CHST11: variants seen among roughly 807,000 people sequenced by gnomAD.
The protein encoded by CHST11 is carbohydrate sulfotransferase 11.
A neutral mutation model predicts 30.4 loss-of-function variants in CHST11; 9 were observed. That is an observed-to-expected ratio of 0.30 (90% CI 0.18 to 0.52). The LOEUF (loss-of-function observed/expected upper bound fraction) is 0.52. Among genes scored for constraint, CHST11 ranks in the 20% least tolerant of loss-of-function variants. The probability of loss-of-function intolerance (pLI) is 0.97; values close to 1 mark genes in which losing one functional copy is unlikely to be tolerated. For missense variants in CHST11, 348 were observed against 460.6 expected, an observed-to-expected ratio of 0.76 and a Z score of 2.24; for synonymous variants, 152 against 187.8, an observed-to-expected ratio of 0.81 and a Z score of 1.56.
intron 1 of CHST11, among the ~76,000 whole-genome samples, chr12:104,570,910 C>T (rs988309329): frequency 3.3e-5 from 5 of 152,170 alleles, no homozygotes; most frequent in Non-Finnish European, 7.4e-5. Flanking sequence ...AGGCTGGTCT[C>T]GAACTCCTGA....
At chr12:104,653,534 C>T (rs568048399) in intron 2 of CHST11, among the ~76,000 whole-genome samples, 1 of 152,196 alleles carries the variant, frequency 6.6e-6, no homozygotes, top group African/African-American at 2.4e-5. Flanking sequence ...ATCCGAGTAC[C>T]TGAGAGGAAA....
intron 1 of CHST11, among the ~76,000 whole-genome samples, chr12:104,569,954 A>G (rs888692851): frequency 1.3e-5 from 2 of 152,142 alleles, no homozygotes; most frequent in Non-Finnish European, 2.9e-5. Context: ...GGGCCATCTG[A>G]ACAGCCCCCT....
intron 2 of CHST11, among the ~76,000 whole-genome samples, chr12:104,644,934 C>G (rs1257465623): frequency 1.3e-5 from 2 of 152,130 alleles, no homozygotes; most frequent in East Asian, 1.9e-4. Context: ...CTGCAGCGAG[C>G]CTTCTTCCAC....
intron 1 of CHST11, among the ~76,000 whole-genome samples, chr12:104,589,811 A>G (rs2038840094): frequency 6.6e-6 from 1 of 152,068 alleles, no homozygotes; most frequent in South Asian, 2.1e-4. Flanking sequence ...GGAGTTCAAG[A>G]CCAGCGTGGT....
At chr12:104,572,250 C>A (rs1432393873) in intron 1 of CHST11, among the ~76,000 whole-genome samples, 1 of 151,794 alleles carries the variant, frequency 6.6e-6, no homozygotes, top group East Asian at 1.9e-4. Flanking sequence ...GGGAGGATTC[C>A]CTCTTTTTCT....
intron 2 of CHST11, among the ~76,000 whole-genome samples, chr12:104,646,592 C>T (rs968649643): frequency 2.6e-5 from 4 of 152,160 alleles, no homozygotes; most frequent in African/African-American, 9.7e-5. Flanking sequence ...AATAGCTGGG[C>T]ATGGTGGCAC....
intron 2 of CHST11, among the ~76,000 whole-genome samples, chr12:104,619,531 G>C (rs749058363): frequency 6.6e-6 from 1 of 151,994 alleles, no homozygotes; most frequent in Admixed American, 6.6e-5. Context: ...GTCGTGTTTC[G>C]AGCGCTCTCT....
intron 1 of CHST11, among the ~76,000 whole-genome samples, chr12:104,475,928 G>A (rs1272605636): frequency 1.4e-5 from 2 of 142,582 alleles, no homozygotes; most frequent in Admixed American, 1.5e-4. Flanking sequence ...TTTTTTAGAA[G>A]CGGGTCCCTT....
rs974497327 is a variant in CHST11, at chr12:104,458,016, G to A, written c.118+487G>A. Among the ~76,000 whole-genome samples, 6 of 151,812 alleles carry A rather than the reference G, an allele frequency of 4.0e-5. No homozygotes were observed. The highest frequency in any genetic ancestry group is 6.6e-5 in the Admixed American group (1 of 15,264). ...CCTCTTCCTGGTTGCCGGGCCGGGG[G>A]CGAAGGGTGTACGCCCCGGCGAGGT... On this transcript the variant is annotated intron_variant, in intron 1 of 2. Coordinates refer to ENST00000303694, the MANE Select transcript of CHST11 (RefSeq NM_018413.6). This position sits in a 1 kb window ranked among gnomAD's most constrained non-coding sequence, Gnocchi z 5.7.
chr12:104,588,359 A>G (rs1225633063), intron 1 of CHST11, among the ~76,000 whole-genome samples: 1 of 152,156 alleles, frequency 6.6e-6, no homozygotes, highest in East Asian at 1.9e-4. Context: ...GTTTTTAAGA[A>G]AACAATTTTG....
At chr12:104,488,740 C>CGTGTGTGT (rs56383997) in intron 1 of CHST11, among the ~76,000 whole-genome samples, 45 of 145,866 alleles carry the variant, frequency 3.1e-4, no homozygotes, top group South Asian at 2.4e-3. Flanking sequence ...TATGTGTACG[C>CGTGTGTGT]GTGTGTGTGT....
chr12:104,563,357 C>T (rs1349138535), intron 1 of CHST11, among the ~76,000 whole-genome samples: 1 of 152,142 alleles, frequency 6.6e-6, no homozygotes, highest in African/African-American at 2.4e-5. Flanking sequence ...CTGATGGTGT[C>T]TGCTGTGCTT....
intron 1 of CHST11, among the ~76,000 whole-genome samples, chr12:104,532,523 G>A (rs556528509): frequency 7.2e-5 from 11 of 151,978 alleles, no homozygotes; most frequent in East Asian, 3.9e-4. Context: ...GGTGCAGAGC[G>A]TCCATGCCCT....
At chr12:104,475,951 T>C (rs1420182852) in intron 1 of CHST11, among the ~76,000 whole-genome samples, 1 of 144,576 alleles carries the variant, frequency 6.9e-6, no homozygotes, top group East Asian at 2.0e-4. Context: ...ATTATATATA[T>C]TTACAAAGAT....
intron 1 of CHST11, among the ~76,000 whole-genome samples, chr12:104,597,117 G>A (rs1162387788): frequency 3.3e-5 from 5 of 152,114 alleles, no homozygotes; most frequent in Non-Finnish European, 7.3e-5. Context: ...AGCTCTCCGT[G>A]GGCTGCTCTC....
At chr12:104,576,848 G>C (rs1328362376) in intron 1 of CHST11, among the ~76,000 whole-genome samples, 2 of 152,116 alleles carry the variant, frequency 1.3e-5, no homozygotes, top group Non-Finnish European at 2.9e-5. Context: ...TGCGCTGAGG[G>C]ACATTCACGT....
chr12:104,728,128 T>C (rs996919285), intron 2 of CHST11, among the ~76,000 whole-genome samples: 1 of 152,240 alleles, frequency 6.6e-6, no homozygotes, highest in African/African-American at 2.4e-5. Flanking sequence ...AGGAGAGTCT[T>C]CACTTCTTTC....
rs557208203 is a variant in CHST11 at position 104,624,857 on chromosome 12, C to T, written c.204+22866C>T. On this transcript the variant is annotated intron_variant, in intron 2 of 2. Transcript: ENST00000303694. ...GTTTCTGGTGAGCCTCTCTTTTTGG[C>T]TCACAGACGGCCACCTTTTTGGCTG... Among the ~76,000 whole-genome samples the T allele has an allele frequency of 8.5e-5, 13 of 152,320 alleles. No homozygotes were observed. The South Asian group carries it at 1.9e-3, about 22-fold the overall frequency.
At chr12:104,742,757 T>C (rs1159434390) in intron 2 of CHST11, among the ~76,000 whole-genome samples, 1 of 152,208 alleles carries the variant, frequency 6.6e-6, no homozygotes, top group Non-Finnish European at 1.5e-5. Context: ...AAGTCCTTCC[T>C]GGGCAGCCCT....
Sources: gnomAD v4.1 joint callset for allele counts (sites outside exome capture counted in the v4.1 genomes callset) on GRCh38, gnomAD v4.1.1 for gene constraint, Gnocchi (gnomAD v3.1) non-coding constraint, MANE v1.5 for transcripts, NCBI Gene and HGNC (gene_info 2026-07-23, HGNC 2026-07-21) for gene names.